Variants in HUNK observed in about 807,000 individuals in gnomAD.
HUNK encodes the protein hormonally up-regulated neu tumor-associated kinase.
In HUNK, 21 loss-of-function variants were observed where a neutral mutation model predicts 61.0. The ratio of observed to expected loss-of-function variants is 0.34; its 90% CI spans 0.24 to 0.50. HUNK has a LOEUF of 0.50. HUNK is among the 20% of genes least tolerant of loss of function. The pLI is 0.98. For synonymous variants in HUNK, 371 were observed against 386.1 expected (o/e 0.96, Z 0.46); for missense variants, 772 against 945.7 (o/e 0.82, Z 2.41).
At position 31,924,502 on chromosome 21, in the gene HUNK, A is replaced by G; in HGVS notation, c.296A>G (p.Lys99Arg). 6.2e-7 allele frequency: 1 copy of G among 1,614,098 alleles called. No homozygotes were observed. The change falls in exon 2 of 11, where the codon AAA (lysine) becomes AGA (arginine). Residue 99 changes from lysine (K) to arginine (R), a missense_variant. This residue lies in a region of HUNK where 359 missense variants were observed against 501.3 expected (regional missense o/e 0.72). Transcript: ENST00000270112. The surrounding 1 kb of genome is among the most constrained non-coding windows in gnomAD (Gnocchi z 5.1). Reference sequence around the variant, plus strand: ...AAAGTCATTGATAAGAAGAGAGCCAAAAAGGACACCTATGTCACCAAAAAC... The same window carrying G: ...AAAGTCATTGATAAGAAGAGAGCCAGAAAGGACACCTATGTCACCAAAAAC... ...AIKVIDKKRAKKDTYVTKNLR... is the reference protein window; with the variant it reads ...AIKVIDKKRARKDTYVTKNLR...
At chr21:31,984,058 CTG>C (rs763618671) in intron 8 of HUNK, among the ~76,000 whole-genome samples, 25 of 152,156 alleles carry the variant, frequency 1.6e-4, no homozygotes, top group Middle Eastern at 3.4e-3. Context: ...CAGAGTAAAA[CTG>C]TGGTTATTAG....
chr21:31,899,189 T>C (rs573632875), intron 1 of HUNK, among the ~76,000 whole-genome samples: 50 of 152,326 alleles, frequency 3.3e-4, no homozygotes, highest in African/African-American at 1.2e-3. Context: ...ATTAGTTTCC[T>C]GGGCTGCCAT....
At chr21:31,948,325 C>T (rs75043596) in intron 4 of HUNK, among the ~76,000 whole-genome samples, 1,817 of 152,316 alleles carry the variant, frequency 0.012, 36 homozygotes, top group African/African-American at 0.042. Context: ...ACATTCCAGC[C>T]CTTACATGCA....
intron 2 of HUNK, among the ~76,000 whole-genome samples, chr21:31,934,158 AAT>A (rs2123823719): frequency 6.6e-6 from 1 of 152,062 alleles, no homozygotes; most frequent in African/African-American, 2.4e-5. Context: ...GGTCCATTAT[AAT>A]ACACGAATAC....
chr21:31,918,392 G>A (rs1448562408), intron 1 of HUNK, among the ~76,000 whole-genome samples: 1 of 152,188 alleles, frequency 6.6e-6, no homozygotes, highest in African/African-American at 2.4e-5. Context: ...GTCAGATGAT[G>A]GTAGGGCACA....
intron 5 of HUNK, among the ~76,000 whole-genome samples, chr21:31,960,500 A>T (rs2052919839): frequency 6.6e-6 from 1 of 152,136 alleles, no homozygotes; most frequent in Non-Finnish European, 1.5e-5. Context: ...CATCTGGTGT[A>T]CTAGTCCATT....
chr21:31,999,271 C>T lies in HUNK; in HGVS notation c.*87C>T. 8.0e-7 allele frequency: 1 copy of T among 1,244,518 alleles called. No individual in the cohort carries two copies. The highest frequency in any genetic ancestry group is 2.4e-5 in the East Asian group (1 of 42,464). 77.1% of individuals were successfully genotyped at this position (1,244,518 alleles called of 1,614,324 possible). On this transcript the variant is annotated 3_prime_UTR_variant, in exon 11 of 11. Transcript: ENST00000270112. ...CTGTCAGGGTGTGAGCACTCCAAGG[C>T]CTCGCGTGGAGCATCCTTAGTCCCA... is the stretch of plus-strand genomic sequence containing the variant.
At chr21:31,923,521 G>A (rs941862484) in intron 1 of HUNK, among the ~76,000 whole-genome samples, 14 of 146,274 alleles carry the variant, frequency 9.6e-5, no homozygotes, top group Non-Finnish European at 1.5e-4. Flanking sequence ...GAGGGAAGGA[G>A]GGAGGAAGGG....
chr21:31,905,007 G>A (rs2052495202), intron 1 of HUNK, among the ~76,000 whole-genome samples: 1 of 151,730 alleles, frequency 6.6e-6, no homozygotes, highest in African/African-American at 2.4e-5. Context: ...GAACCCGGGA[G>A]GCAGAGGTTG....
At position 31,974,697 on chromosome 21, in the gene HUNK, C is replaced by T; in HGVS notation, c.1153C>T (p.Leu385=). The T allele has an allele frequency of 6.2e-7, 1 of 1,613,644 alleles. No homozygotes were observed. The highest frequency in any genetic ancestry group is 8.5e-7 in the Non-Finnish European group (1 of 1,179,778). The part of the protein sequence containing the change: ...LAIYFLLNKK[L]ERYLSGKSDI... ...CATCTACTTCCTCTTAAACAAGAAA[C>T]TGGAGCGCTATTTGTCAGGGGTAAG... Residue 385 remains leucine (L), a synonymous_variant, in exon 7 of 11, where the codon CTG becomes TTG. Transcript: ENST00000270112.
chr21:31,915,186 T>C (rs1419822991), intron 1 of HUNK, among the ~76,000 whole-genome samples: 1 of 152,146 alleles, frequency 6.6e-6, no homozygotes, highest in African/African-American at 2.4e-5. Context: ...TGTTGGATTT[T>C]GGGTTTTCAG....
At chr21:31,970,435 T>C (rs1241479527) in intron 6 of HUNK, among the ~76,000 whole-genome samples, 1 of 152,200 alleles carries the variant, frequency 6.6e-6, no homozygotes, top group African/African-American at 2.4e-5. Context: ...AATAGATTGC[T>C]GTTTTCCAAT....
At chr21:31,953,642 T>G (rs949848698) in intron 4 of HUNK, among the ~76,000 whole-genome samples, 1 of 152,244 alleles carries the variant, frequency 6.6e-6, no homozygotes, top group Non-Finnish European at 1.5e-5. Context: ...TTATCAAGCT[T>G]AATTTATTCC....
Position 31,959,001 on chromosome 21 carries a change from C to G in HUNK, c.874+31C>G, listed in dbSNP as rs150486234. 2.5e-4 allele frequency: 390 copies of G among 1,562,484 alleles called. 3 individuals are homozygous for G. In the African/African-American group the frequency reaches 4.7e-3, roughly 19 times the overall value. On this transcript the variant is annotated intron_variant, in intron 5 of 10. Transcript: ENST00000270112. ...GCACCAGCTGCTCTAGATCACGGTT[C>G]AGGACTGCTGTCGTGACCAGTTCGG...
intron 2 of HUNK, among the ~76,000 whole-genome samples, chr21:31,937,744 C>T (rs558028966): frequency 2.0e-4 from 31 of 152,308 alleles, no homozygotes; most frequent in African/African-American, 7.0e-4. Flanking sequence ...GTAGTATCAA[C>T]AGTCATTTAA....
chr21:31,919,470 A>G (rs1055314889), intron 1 of HUNK, among the ~76,000 whole-genome samples: 4 of 152,210 alleles, frequency 2.6e-5, no homozygotes, highest in Non-Finnish European at 5.9e-5. Context: ...GTGGGAACCA[A>G]CACCAATTGT....
intron 9 of HUNK, among the ~76,000 whole-genome samples, chr21:31,993,416 T>C (rs1277710166): frequency 6.6e-6 from 1 of 152,250 alleles, no homozygotes; most frequent in Non-Finnish European, 1.5e-5. Context: ...AAATGTTTGC[T>C]GATCGATTTA....
intron 1 of HUNK, among the ~76,000 whole-genome samples, chr21:31,904,228 T>G (rs546773236): frequency 2.6e-5 from 4 of 152,234 alleles, no homozygotes; most frequent in Admixed American, 2.6e-4. Context: ...TCAGGAAATC[T>G]TTTTGGGTCT....
chr21:31,997,622 AAGACAGTTCTGGAG>A (rs1482306106), intron 10 of HUNK, among the ~76,000 whole-genome samples: 1 of 152,222 alleles, frequency 6.6e-6, no homozygotes, highest in Non-Finnish European at 1.5e-5. Flanking sequence ...TTGCAACAGG[AAGACAGTTCTGGAG>A]ATTGATTCTA....
Sources: gnomAD v4.1 joint callset for allele counts (sites outside exome capture counted in the v4.1 genomes callset) on GRCh38, gnomAD v4.1.1 for gene constraint, gnomAD v4.1.1 regional missense constraint, Gnocchi (gnomAD v3.1) non-coding constraint, MANE v1.5 for transcripts, NCBI Gene and HGNC (gene_info 2026-07-23, HGNC 2026-07-21) for gene names.